Variants in MYH16 observed in about 807,000 individuals in gnomAD.
MYH16 encodes the protein putative uncharacterized protein MYH16.
At chr7:99,244,350 A>G (rs1416924660) in intron 2 of MYH16, among the ~76,000 whole-genome samples, 1 of 152,264 alleles carries the variant, frequency 6.6e-6, no homozygotes, top group Non-Finnish European at 1.5e-5. Flanking sequence ...GTGAGTTACA[A>G]TCAGTCCCCT....
At chr7:99,308,105 T>C (rs1324424523), downstream of MYH16, among the ~76,000 whole-genome samples, 3 of 151,898 alleles carry the variant, frequency 2.0e-5, no homozygotes, top group East Asian at 5.8e-4. Context: ...TGCCTCAAAA[T>C]TAAAGATACC....
At chr7:99,278,810 A>G (rs1431013917) in intron 21 of MYH16, among the ~76,000 whole-genome samples, 1 of 152,136 alleles carries the variant, frequency 6.6e-6, no homozygotes, top group Non-Finnish European at 1.5e-5. Context: ...ATTTCTCTGT[A>G]TCCTCTTCAT....
chr7:99,258,795 C>T (rs895776919), intron 11 of MYH16, among the ~76,000 whole-genome samples: 2 of 136,638 alleles, frequency 1.5e-5, no homozygotes, highest in African/African-American at 5.0e-5. Context: ...AAGAGCTGAT[C>T]AATCAGCTCA....
At chr7:99,285,065 A>C in intron 26 of MYH16, 130 bp downstream of exon 8, 1 of 413,000 alleles carries the variant, frequency 2.4e-6, no homozygotes, top group Non-Finnish European at 4.9e-6. Context: ...TTGGAGATGG[A>C]CCCATGTTCC....
At chr7:99,309,535 G>A (rs1792730057), downstream of MYH16, among the ~76,000 whole-genome samples, 1 of 152,190 alleles carries the variant, frequency 6.6e-6, no homozygotes, top group Admixed American at 6.5e-5. Flanking sequence ...GCTTGTCTCT[G>A]CATTAATGTG....
rs116807665 is a variant in MYH16 at position 99,283,533 on chromosome 7, C to T, written n.2993-32C>T. ...CTGTTCAGCTGCTCCCACTGGGCCT[C>T]GTGGCACTCACGTGTGTATCTGTCC... On this transcript the variant is annotated intron_variant and non_coding_transcript_variant, in intron 23 of 41. Transcript: ENST00000439784. 3,263 of 455,112 alleles carry T rather than the reference C, an allele frequency of 7.2e-3. 91 individuals carry two copies. The highest frequency in any genetic ancestry group is 0.055 in the African/African-American group (2,769 of 50,134). 28.2% of individuals were successfully genotyped at this position (455,112 alleles called of 1,614,324 possible).
chr7:99,241,145 G>A (rs182585578), intron 1 of MYH16, among the ~76,000 whole-genome samples: 1 of 152,320 alleles, frequency 6.6e-6, no homozygotes, highest in East Asian at 1.9e-4. Flanking sequence ...CCGGGTTTGG[G>A]ACAGAAAAGA....
At chr7:99,259,270 C>A (rs772656662) in intron 11 of MYH16, among the ~76,000 whole-genome samples, 1 of 152,188 alleles carries the variant, frequency 6.6e-6, no homozygotes, top group African/African-American at 2.4e-5. Context: ...TAGAGCATTT[C>A]GAGTGATTTC....
intron 38 of MYH16, among the ~76,000 whole-genome samples, chr7:99,302,619 G>A (rs369699503): frequency 2.6e-5 from 4 of 152,004 alleles, no homozygotes; most frequent in African/African-American, 7.3e-5. Context: ...AGTGGCTCAC[G>A]TCTGTAATCC....
chr7:99,300,021 G>A (rs1342013325), intron 37 of MYH16, among the ~76,000 whole-genome samples: 6 of 151,450 alleles, frequency 4.0e-5, no homozygotes, highest in Non-Finnish European at 8.8e-5. Context: ...GTGCAGTGGT[G>A]CAATCTCGGC....
At chr7:99,256,158 G>T (rs1380610860) in intron 9 of MYH16, among the ~76,000 whole-genome samples, 1 of 151,384 alleles carries the variant, frequency 6.6e-6, no homozygotes, top group East Asian at 1.9e-4. Context: ...TAATAATAGT[G>T]CCAGGCACAG....
intron 23 of MYH16, among the ~76,000 whole-genome samples, chr7:99,281,394 C>CAA (rs899209999): frequency 2.1e-5 from 3 of 146,270 alleles, no homozygotes; most frequent in African/African-American, 7.5e-5. Flanking sequence ...CCCATCTCTA[C>CAA]AAAAAAAAAA....
intron 1 of MYH16, among the ~76,000 whole-genome samples, chr7:99,241,011 G>T (rs1791661237): frequency 6.6e-6 from 1 of 152,194 alleles, no homozygotes; most frequent in African/African-American, 2.4e-5. Context: ...AGAGAGGAGA[G>T]TGCTGCAGTG....
At chr7:99,293,151 A>G (rs1792416563) in intron 32 of MYH16, among the ~76,000 whole-genome samples, 1 of 152,274 alleles carries the variant, frequency 6.6e-6, no homozygotes, top group Non-Finnish European at 1.5e-5. Context: ...GTTAAATCAA[A>G]GAACATGGTC....
At chr7:99,303,463 A>C (rs766800796) in intron 39 of MYH16, among the ~76,000 whole-genome samples, 1 of 152,398 alleles carries the variant, frequency 6.6e-6, no homozygotes, top group East Asian at 1.9e-4. Flanking sequence ...AGAAGCCATC[A>C]AAGTGGGTTC....
intron 1 of MYH16, among the ~76,000 whole-genome samples, chr7:99,242,230 G>A (rs951498376): frequency 4.6e-5 from 7 of 152,130 alleles, no homozygotes; most frequent in Admixed American, 2.6e-4. Flanking sequence ...TGGCACGGGC[G>A]CGAACACACC....
At chr7:99,243,262 G>C (rs1791688027) in intron 1 of MYH16, 1 of 152,876 alleles carries the variant, frequency 6.5e-6, no homozygotes, top group Non-Finnish European at 1.5e-5. Context: ...GTGCTGCTGT[G>C]TCTTGACCCC....
intron 1 of MYH16, among the ~76,000 whole-genome samples, chr7:99,240,159 T>C (rs1370081183): frequency 6.6e-6 from 1 of 152,258 alleles, no homozygotes; most frequent in Non-Finnish European, 1.5e-5. Context: ...GGCAATCTTA[T>C]GTGGTAGGAT....
chr7:99,296,662 G>C, intron 33 of MYH16, 39 bp from the exon 15 acceptor site: 3 of 453,602 alleles, frequency 6.6e-6, no homozygotes, highest in South Asian at 4.7e-5. Flanking sequence ...CAGAGGCAAG[G>C]AGGTTGGACC....
Sources: allele counts gnomAD v4.1 joint callset (sites outside exome capture counted in the v4.1 genomes callset), GRCh38; gene constraint gnomAD v4.1.1; transcripts MANE v1.5; gene names NCBI Gene and HGNC (gene_info 2026-07-23, HGNC 2026-07-21).